Variants in ARL15 observed in about 807,000 individuals in gnomAD.
ARL15 encodes the protein ADP-ribosylation factor-like protein 15.
A neutral mutation model predicts 25.2 loss-of-function variants in ARL15; 19 were observed. The ratio of observed to expected loss-of-function variants is 0.75; its 90% confidence interval spans 0.53 to 1.10. The LOEUF is 1.10. Among genes scored for constraint, ARL15 ranks in the 50% least tolerant of loss-of-function variants. The pLI, the probability that ARL15 is intolerant of heterozygous loss-of-function variation, is 0.00. For synonymous variants in ARL15, 94 were observed against 86.8 expected (o/e 1.08, Z -0.46); for missense variants, 220 against 246.0 (o/e 0.89, Z 0.71).
At chr5:54,239,330 T>A (rs1233666289) in intron 1 of ARL15, among the ~76,000 whole-genome samples, 1 of 152,022 alleles carries the variant, frequency 6.6e-6, no homozygotes, top group African/African-American at 2.4e-5. Context: ...TCTTCTGAAG[T>A]AAAATATTGG....
chr5:54,031,344 G>A (rs893779576), intron 4 of ARL15, among the ~76,000 whole-genome samples: 7 of 152,070 alleles, frequency 4.6e-5, no homozygotes, highest in Non-Finnish European at 1.0e-4. Context: ...TGTCATCTTG[G>A]CCACTCAGTC....
intron 1 of ARL15, among the ~76,000 whole-genome samples, chr5:54,215,975 T>C (rs527887971): frequency 5.7e-4 from 87 of 152,330 alleles, no homozygotes; most frequent in South Asian, 1.4e-3. Context: ...GGGCCTCCTA[T>C]TGAACTCCTT....
chr5:54,192,501 T>C (rs1163239533), intron 1 of ARL15, among the ~76,000 whole-genome samples: 2 of 152,100 alleles, frequency 1.3e-5, no homozygotes, highest in Non-Finnish European at 2.9e-5. Context: ...GATGGAATTC[T>C]ATATTCTAGC....
chr5:53,948,000 G>GA lies in ARL15; in HGVS notation c.463-61288dup, dbSNP rs1256070290. Among the ~76,000 whole-genome samples the GA allele has an allele frequency of 2.0e-5, 3 of 151,698 alleles. No individual in the cohort carries two copies. The East Asian group carries it at 5.8e-4, about 29-fold the overall frequency. On this transcript the variant is annotated intron_variant, in intron 4 of 4. Coordinates refer to ENST00000504924, the MANE Select transcript of ARL15 (RefSeq NM_019087.3). ...ATAGAAATTAAATGAGACACCAGTG[G>GA]AAAAAAATGAGATAAAAAGGGAGGT...
chr5:54,238,293 C>G (rs1348960332), intron 1 of ARL15, among the ~76,000 whole-genome samples: 1 of 152,130 alleles, frequency 6.6e-6, no homozygotes, highest in East Asian at 1.9e-4. Flanking sequence ...TGCACGTGAC[C>G]CCAGCACTGC....
At chr5:54,019,435 T>C (rs1579705751) in intron 4 of ARL15, among the ~76,000 whole-genome samples, 1 of 152,222 alleles carries the variant, frequency 6.6e-6, no homozygotes, top group East Asian at 1.9e-4. Context: ...TCATATCTAC[T>C]TAAAGTAGTG....
intron 4 of ARL15, among the ~76,000 whole-genome samples, chr5:54,098,801 T>C (rs919596778): frequency 6.6e-6 from 1 of 152,080 alleles, no homozygotes; most frequent in Admixed American, 6.6e-5. Context: ...ATCCTTAAAA[T>C]TTCCCCCAAA....
intron 1 of ARL15, among the ~76,000 whole-genome samples, chr5:54,274,211 C>T (rs561918414): frequency 6.6e-6 from 1 of 152,062 alleles, no homozygotes; most frequent in African/African-American, 2.4e-5. Context: ...GCAAGAGAGT[C>T]GGCTGACGCT....
intron 4 of ARL15, among the ~76,000 whole-genome samples, chr5:54,108,686 A>T (rs1021795992): frequency 6.6e-6 from 1 of 152,102 alleles, no homozygotes; most frequent in African/African-American, 2.4e-5. Context: ...AAAATAATTT[A>T]AACTATAGTT....
At chr5:53,904,857 A>T (rs1420432731) in intron 4 of ARL15, among the ~76,000 whole-genome samples, 1 of 148,918 alleles carries the variant, frequency 6.7e-6, no homozygotes, top group Non-Finnish European at 1.5e-5. Context: ...CCTCCTGAGT[A>T]GCTGGGATTA....
At chr5:54,261,039 C>T (rs936407078) in intron 1 of ARL15, among the ~76,000 whole-genome samples, 1 of 152,160 alleles carries the variant, frequency 6.6e-6, no homozygotes, top group Non-Finnish European at 1.5e-5. Context: ...CAGTAGGTAG[C>T]AGGTCTTGCC....
intron 4 of ARL15, among the ~76,000 whole-genome samples, chr5:54,084,786 G>T (rs746391058): frequency 2.8e-5 from 4 of 141,996 alleles, no homozygotes; most frequent in Non-Finnish European, 5.9e-5. Flanking sequence ...GTGGCACCAT[G>T]TTCTGGCGAA....
chr5:54,008,505 A>G (rs769697832), intron 4 of ARL15, among the ~76,000 whole-genome samples: 24 of 152,322 alleles, frequency 1.6e-4, no homozygotes, highest in Non-Finnish European at 2.6e-4. Flanking sequence ...CTGGCATTAC[A>G]CGAAGCTAGA....
chr5:54,290,508 ATGT>A (rs2112688532), intron 1 of ARL15, among the ~76,000 whole-genome samples: 1 of 152,090 alleles, frequency 6.6e-6, no homozygotes, highest in East Asian at 1.9e-4. Context: ...GGGTTTCACC[ATGT>A]TGGCCAGGAT....
intron 1 of ARL15, among the ~76,000 whole-genome samples, chr5:54,299,869 G>T (rs1758571814): frequency 6.6e-6 from 1 of 151,994 alleles, no homozygotes; most frequent in Non-Finnish European, 1.5e-5. Flanking sequence ...TTATAGGCGT[G>T]AGCCACCGCA....
chr5:54,092,159 A>G (rs1579790542), intron 4 of ARL15, among the ~76,000 whole-genome samples: 1 of 152,106 alleles, frequency 6.6e-6, no homozygotes, highest in Non-Finnish European at 1.5e-5. Flanking sequence ...GTACAAATAT[A>G]GTCTCCTGGT....
At chr5:54,255,162 C>G (rs1412631351) in intron 1 of ARL15, among the ~76,000 whole-genome samples, 1 of 152,118 alleles carries the variant, frequency 6.6e-6, no homozygotes, top group Non-Finnish European at 1.5e-5. Flanking sequence ...GAAATGGACA[C>G]ACGTATAATT....
intron 1 of ARL15, among the ~76,000 whole-genome samples, chr5:54,270,434 T>G (rs1757755390): frequency 6.6e-6 from 1 of 152,222 alleles, no homozygotes. Flanking sequence ...ATGATTTTCT[T>G]AGACTCCTAT....
At chr5:54,214,905 T>G (rs1233579963) in intron 1 of ARL15, among the ~76,000 whole-genome samples, 4 of 152,158 alleles carry the variant, frequency 2.6e-5, no homozygotes, top group Admixed American at 2.6e-4. Flanking sequence ...CCACTGAGAA[T>G]GGACATACTG....
Sources: allele counts gnomAD v4.1 joint callset (sites outside exome capture counted in the v4.1 genomes callset), GRCh38; gene constraint gnomAD v4.1.1; transcripts MANE v1.5; gene names NCBI Gene and HGNC (gene_info 2026-07-23, HGNC 2026-07-21).